ALK: variants seen among roughly 807,000 people sequenced by gnomAD.
ALK encodes the protein ALK receptor tyrosine kinase.
Under a neutral mutation model 163.1 loss-of-function variants are expected in ALK, and 74 were observed. The observed-to-expected ratio is 0.45, with a 90% CI of 0.38 to 0.55. The LOEUF is 0.55. ALK is among the 20% of genes least tolerant of loss of function. The pLI, the probability that ALK is intolerant of heterozygous loss-of-function variation, is 0.00. For missense variants in ALK, 2,063 were observed against 2,105.3 expected, an observed-to-expected ratio of 0.98 and a Z score of 0.39; for synonymous variants, 960 against 843.2, an observed-to-expected ratio of 1.14 and a Z score of -2.40.
At chr2:29,525,886 C>T (rs564525768) in intron 4 of ALK, among the ~76,000 whole-genome samples, 45 of 151,142 alleles carry the variant, frequency 3.0e-4, no homozygotes, top group African/African-American at 1.1e-3. Context: ...TTGAGACCTA[C>T]TATGTTAATC....
intron 1 of ALK, among the ~76,000 whole-genome samples, chr2:29,885,224 C>A (rs7590840): frequency 6.6e-6 from 1 of 151,946 alleles, no homozygotes; most frequent in Non-Finnish European, 1.5e-5. Flanking sequence ...GTAAGTTCAA[C>A]AATGAAGGCA....
intron 4 of ALK, among the ~76,000 whole-genome samples, chr2:29,531,421 A>G (rs775226456): frequency 1.3e-5 from 2 of 152,164 alleles, no homozygotes; most frequent in Non-Finnish European, 2.9e-5. Context: ...GCTCTGTTCC[A>G]ATCTCTACTG....
At chr2:29,691,948 T>C (rs892529650) in intron 3 of ALK, among the ~76,000 whole-genome samples, 1 of 152,166 alleles carries the variant, frequency 6.6e-6, no homozygotes, top group Non-Finnish European at 1.5e-5. Flanking sequence ...GTTCCACTCC[T>C]GGAATATAAA....
intron 3 of ALK, among the ~76,000 whole-genome samples, chr2:29,646,126 C>T (rs1295780549): frequency 2.6e-5 from 4 of 152,054 alleles, no homozygotes; most frequent in African/African-American, 9.7e-5. Context: ...TCCAGTTTCC[C>T]ACATTAGAAC....
intron 4 of ALK, among the ~76,000 whole-genome samples, chr2:29,445,473 C>A (rs914685842): frequency 1.3e-5 from 2 of 152,182 alleles, no homozygotes; most frequent in Non-Finnish European, 2.9e-5. Flanking sequence ...TCCCTCACAT[C>A]GCTTCCCAGT....
chr2:29,820,374 C>T (rs1024878133), intron 1 of ALK, among the ~76,000 whole-genome samples: 2 of 152,170 alleles, frequency 1.3e-5, no homozygotes, highest in Non-Finnish European at 2.9e-5. Flanking sequence ...AACAGCTTGA[C>T]TGCAACCTCA....
intron 23 of ALK, among the ~76,000 whole-genome samples, chr2:29,219,236 G>T (rs1461752730): frequency 6.6e-6 from 1 of 152,162 alleles, no homozygotes. Flanking sequence ...CCTGCTCCCT[G>T]CCCAGTCCTC....
intron 4 of ALK, among the ~76,000 whole-genome samples, chr2:29,391,053 G>A (rs942475492): frequency 6.6e-6 from 1 of 152,122 alleles, no homozygotes; most frequent in Non-Finnish European, 1.5e-5. Context: ...GCTCTGTAGG[G>A]GGGGCCAAGG....
At chr2:29,267,432 C>G (rs568006523) in intron 11 of ALK, among the ~76,000 whole-genome samples, 2 of 152,288 alleles carry the variant, frequency 1.3e-5, no homozygotes, top group Non-Finnish European at 2.9e-5. Context: ...TCATTTGTTA[C>G]AACACAATAG....
At chr2:29,300,573 A>AAAAAAAAG in intron 8 of ALK, among the ~76,000 whole-genome samples, 1 of 150,822 alleles carries the variant, frequency 6.6e-6, no homozygotes, top group African/African-American at 2.4e-5. Flanking sequence ...AAAAAAAAAA[A>AAAAAAAAG]ATGCATGTGC....
chr2:29,601,709 T>C (rs1675384487), intron 3 of ALK, among the ~76,000 whole-genome samples: 4 of 151,976 alleles, frequency 2.6e-5, no homozygotes, highest in Admixed American at 6.5e-5. Context: ...GTCATGCAAA[T>C]GGGTACAGCG....
intron 3 of ALK, among the ~76,000 whole-genome samples, chr2:29,563,857 A>G (rs1200245133): frequency 6.6e-6 from 1 of 152,204 alleles, no homozygotes; most frequent in Non-Finnish European, 1.5e-5. Flanking sequence ...TGTTTTTCTA[A>G]TGATTTACAG....
intron 13 of ALK, among the ~76,000 whole-genome samples, chr2:29,236,679 C>A (rs1474578381): frequency 6.6e-6 from 1 of 152,114 alleles, no homozygotes; most frequent in East Asian, 1.9e-4. Context: ...GACTCCCCAT[C>A]CTCTTGCATC....
chr2:29,877,221 A>G (rs1666746445), intron 1 of ALK, among the ~76,000 whole-genome samples: 2 of 152,062 alleles, frequency 1.3e-5, no homozygotes. Flanking sequence ...GCCAAAATAC[A>G]CTCACACCTC....
At chr2:29,432,494 T>C (rs1309139449) in intron 4 of ALK, among the ~76,000 whole-genome samples, 1 of 152,172 alleles carries the variant, frequency 6.6e-6, no homozygotes, top group Non-Finnish European at 1.5e-5. Context: ...CCCTTTTCTT[T>C]ATAAATTACC....
At chr2:29,316,615 G>A (rs986240903) in intron 8 of ALK, among the ~76,000 whole-genome samples, 3 of 152,018 alleles carry the variant, frequency 2.0e-5, no homozygotes, top group South Asian at 4.2e-4. Flanking sequence ...GGATCCTCCC[G>A]TCCTCTCCGG....
intron 1 of ALK, among the ~76,000 whole-genome samples, chr2:29,884,307 T>A (rs539060166): frequency 6.6e-6 from 1 of 152,298 alleles, no homozygotes; most frequent in East Asian, 1.9e-4. Context: ...ATGGGACCCA[T>A]ACAAAGTGAC....
Position 29,759,359 on chromosome 2 carries a change from A to C in ALK, c.668-41662T>G, listed in dbSNP as rs138863832. 4.3e-4 allele frequency among the ~76,000 whole-genome samples: 66 copies of C among 152,318 alleles called. No homozygotes were observed. The East Asian group carries it at 0.011, about 26-fold the overall frequency. ...AACAGTCAAGCAATACCATTGACTG[A>C]GACCTCCATGAGGTACTAAGGAAGT... On this transcript the variant is annotated intron_variant, in intron 1 of 28. Coordinates refer to ENST00000389048, the MANE Select transcript of ALK (RefSeq NM_004304.5).
intron 3 of ALK, among the ~76,000 whole-genome samples, chr2:29,601,367 C>T (rs1431150214): frequency 6.6e-6 from 1 of 152,152 alleles, no homozygotes; most frequent in Non-Finnish European, 1.5e-5. Context: ...AGGGGATAAT[C>T]ATGTGTCCTC....
Sources: allele counts gnomAD v4.1 joint callset (sites outside exome capture counted in the v4.1 genomes callset), GRCh38; gene constraint gnomAD v4.1.1; transcripts MANE v1.5; gene names NCBI Gene and HGNC (gene_info 2026-07-23, HGNC 2026-07-21).